Variants in IL10 observed in about 807,000 individuals in gnomAD.
The protein encoded by IL10 is interleukin 10.
In IL10, 7 loss-of-function variants were observed where a neutral mutation model predicts 21.0. The observed-to-expected ratio is 0.33, with a 90% CI of 0.19 to 0.63. The LOEUF is 0.63. Among genes scored for constraint, IL10 ranks in the 20% least tolerant of loss-of-function variants. The pLI, the probability that IL10 is intolerant of heterozygous loss-of-function variation, is 0.77. For synonymous variants in IL10, 83 were observed against 79.7 expected (o/e 1.04, Z -0.22); for missense variants, 161 against 213.0 (o/e 0.76, Z 1.52).
At position 206,771,066 on chromosome 1, in the gene IL10, G is replaced by A. The variant is rs549828182; in HGVS notation, c.226-7C>T. The A allele has an allele frequency of 1.2e-6, 2 of 1,613,936 alleles. No homozygotes were observed. The highest frequency in any genetic ancestry group is 1.3e-5 in the African/African-American group (1 of 74,902). On this transcript the variant is annotated splice_polypyrimidine_tract_variant and splice_region_variant and intron_variant, in intron 2 of 4. Coordinates refer to ENST00000423557, the MANE Select transcript of IL10 (RefSeq NM_000572.3). The stretch of plus-strand genomic sequence containing the variant: ...CTTGGCAACCCAGGTAACCCTAAGG[G>A]CAGGAGCCAAAGGTGAGTGAGAGAT...
In IL10 at chr1:206,769,821, A is replaced by G. The variant is rs1433173306; in HGVS notation, c.444+8T>C. On this transcript the variant is annotated splice_region_variant and intron_variant, in intron 4 of 4. Transcript: ENST00000423557. The stretch of plus-strand genomic sequence containing the variant: ...CTGCAGACCCTCTCTGCCACCATCC[A>G]AGCTCACCTTATTAAAGGCATTCTT... 18 of 1,611,614 alleles carry G rather than the reference A, an allele frequency of 1.1e-5. No individual in the cohort carries two copies. Among genetic ancestry groups the G allele is most frequent in the Admixed American group, 1.7e-5 (1 of 60,012 alleles).
At chr1:206,772,184 CAGG>C in intron 1 of IL10, 84 bp downstream of exon 1, 3 of 1,181,986 alleles carry the variant, frequency 2.5e-6, no homozygotes, top group Non-Finnish European at 3.8e-6. Context: ...GGTGGAGGCG[CAGG>C]AGGAGGGTTC....
chr1:206,772,001 C>T (rs945062764), intron 1 of IL10, among the ~76,000 whole-genome samples: 1 of 152,198 alleles, frequency 6.6e-6, no homozygotes, highest in African/African-American at 2.4e-5. Context: ...AAGTATAGAG[C>T]GCCAGCAGGA....
At chr1:206,769,542 A>C (rs1674760340) in intron 4 of IL10, 1 of 533,852 alleles carries the variant, frequency 1.9e-6, no homozygotes, top group Non-Finnish European at 3.4e-6. Flanking sequence ...CACTCTCCCC[A>C]GCATGCAGCT....
chr1:206,768,848 C>T lies in IL10; in HGVS notation c.445-120G>A, dbSNP rs45607234. ...TGCAGAGGTTGCTTGTTCTCCCTCACGCTGGGAAGTAAACCAGAGGATAGG... is the reference window on the plus strand; with the variant it reads ...TGCAGAGGTTGCTTGTTCTCCCTCATGCTGGGAAGTAAACCAGAGGATAGG... On this transcript the variant is annotated intron_variant, in intron 4 of 4. Transcript: ENST00000423557. The T allele has an allele frequency of 5.9e-5, 42 of 713,476 alleles. No individual in the cohort carries two copies. The Admixed American group carries it at 6.4e-4, about 11-fold the overall frequency. The allele number at this position is 713,476 out of a possible 1,614,324, so 44.2% of individuals were successfully genotyped here.
In IL10 at chr1:206,768,158, C is replaced by T. The variant is rs187809496; in HGVS notation, c.*478G>A. 1.3e-5 allele frequency: 3 copies of T among 224,944 alleles called. No homozygotes were observed. In the East Asian group the frequency reaches 2.0e-4, roughly 15 times the overall value. 13.9% of individuals were successfully genotyped at this position (224,944 alleles called of 1,614,324 possible). ...GTGAATTAATCATCAAAGGGGCTCC[C>T]TGGTTTCTCTTCCTAAGAGTATTTG... On this transcript the variant is annotated 3_prime_UTR_variant, in exon 5 of 5. Transcript: ENST00000423557.
Position 206,768,113 on chromosome 1 carries a change from TCC to T in IL10, c.*521_*522del. On this transcript the variant is annotated 3_prime_UTR_variant, in exon 5 of 5. Transcript: ENST00000423557. ...TGGTTGGGGAATGAGGTTAGGGGAATCCCTCCGAGACACTGGAAGGTGAATTA... is the reference window on the plus strand; with the variant it reads ...TGGTTGGGGAATGAGGTTAGGGGAATCTCCGAGACACTGGAAGGTGAATTA... 1 of 213,404 alleles carries T rather than the reference TCC, an allele frequency of 4.7e-6. No homozygotes were observed. Among genetic ancestry groups the T allele is most frequent in the Admixed American group, 5.7e-5 (1 of 17,584 alleles). The allele number at this position is 213,404 out of a possible 1,614,324, so 13.2% of individuals were successfully genotyped here.
Position 206,768,119 on chromosome 1 carries a change from C to T in IL10, c.*517G>A, listed in dbSNP as rs571163057. The T allele has an allele frequency of 1.3e-4, 29 of 216,582 alleles. No homozygotes were observed. Among genetic ancestry groups the T allele is most frequent in the African/African-American group, 5.9e-4 (26 of 44,048 alleles). The allele number at this position is 216,582 out of a possible 1,614,324, so 13.4% of individuals were successfully genotyped here. On this transcript the variant is annotated 3_prime_UTR_variant, in exon 5 of 5. Coordinates refer to ENST00000423557, the MANE Select transcript of IL10 (RefSeq NM_000572.3). ...GGGAATGAGGTTAGGGGAATCCCTC[C>T]GAGACACTGGAAGGTGAATTAATCA...
At position 206,771,410 on chromosome 1, in the gene IL10, C is replaced by G. The variant is rs1457100580; in HGVS notation, c.171G>C (p.Met57Ile). ...AFSRVKTFFQMKDQLDNLLLK... is the reference protein window; with the variant it reads ...AFSRVKTFFQIKDQLDNLLLK... ...ACAACAAGTTGTCCAGCTGATCCTT[C>G]ATTTGCTGCAGGAAGAACAAAAGGA... The change falls in exon 2 of 5, where the codon ATG becomes ATC. Residue 57 changes from methionine (M) to isoleucine (I), a missense_variant. Transcript: ENST00000423557. 6.2e-7 allele frequency: 1 copy of G among 1,608,402 alleles called. No homozygotes were observed. The highest frequency in any genetic ancestry group is 1.7e-5 in the Admixed American group (1 of 59,110).
rs1018640953 is a variant in IL10 at position 206,768,080 on chromosome 1, G to C, written c.*556C>G. The C allele has an allele frequency of 2.5e-5, 5 of 200,032 alleles. No homozygotes were observed. Among genetic ancestry groups the C allele is most frequent in the African/African-American group, 1.2e-4 (5 of 43,398 alleles). 12.4% of individuals were successfully genotyped at this position (200,032 alleles called of 1,614,324 possible). On this transcript the variant is annotated 3_prime_UTR_variant, in exon 5 of 5. Coordinates refer to ENST00000423557, the MANE Select transcript of IL10 (RefSeq NM_000572.3). Reference sequence around the variant, plus strand: ...ATAACAAGCTGGCCACAGCTTTCAAGAATGAAGTGGTTGGGGAATGAGGTT... The same window carrying C: ...ATAACAAGCTGGCCACAGCTTTCAACAATGAAGTGGTTGGGGAATGAGGTT...
chr1:206,771,245 TCTCCTTTTCAAA>T, intron 2 of IL10, 99 bp downstream of exon 2: 1 of 1,197,974 alleles, frequency 8.3e-7, no homozygotes. Context: ...TCTTCCCACT[TCTCCTTTTCAAA>T]GCGAAGGAAA....
chr1:206,768,600 A>G lies in IL10; in HGVS notation c.*36T>C, dbSNP rs5743628. The G allele has an allele frequency of 4.0e-3, 4,943 of 1,238,182 alleles. 32 individuals carry two copies. Among genetic ancestry groups the G allele is most frequent in the Admixed American group, 0.018 (1,039 of 59,176 alleles). The allele number at this position is 1,238,182 out of a possible 1,614,324, so 76.7% of individuals were successfully genotyped here. ...ATCCGATTTTGGAGACCTCTAATTT[A>G]TGTCCTAGAGTCTATAGAGTCGCCA... On this transcript the variant is annotated 3_prime_UTR_variant, in exon 5 of 5. Transcript: ENST00000423557.
intron 3 of IL10, chr1:206,770,308 A>G: frequency 1.5e-5 from 5 of 330,244 alleles, no homozygotes; most frequent in Admixed American, 4.1e-5. Context: ...TTGTCCTACA[A>G]ATAGACACCA....
chr1:206,769,766 TGGGGTTG>T, intron 4 of IL10, 56 bp downstream of exon 4: 1 of 1,264,430 alleles, frequency 7.9e-7, no homozygotes. Context: ...TTCCATGCTT[TGGGGTTG>T]GGGAGTGGGC....
Position 206,768,583 on chromosome 1 carries a change from T to G in IL10, c.*53A>C, listed in dbSNP as rs564250212. On this transcript the variant is annotated 3_prime_UTR_variant, in exon 5 of 5. Transcript: ENST00000423557. ...CTATCCCAGAGCCCCAGATCCGATT[T>G]TGGAGACCTCTAATTTATGTCCTAG... The G allele has an allele frequency of 9.6e-7, 1 of 1,045,844 alleles. No individual in the cohort carries two copies. Among genetic ancestry groups the G allele is most frequent in the African/African-American group, 1.6e-5 (1 of 64,088 alleles). 64.8% of individuals were successfully genotyped at this position (1,045,844 alleles called of 1,614,324 possible).
chr1:206,769,485 G>A (rs769400169), intron 4 of IL10: 179 of 419,234 alleles, frequency 4.3e-4, no homozygotes, highest in Admixed American at 6.1e-4. Flanking sequence ...TGTGGGTTCA[G>A]CCTAGATTCC....
chr1:206,772,066 C>T (rs1022560735), intron 1 of IL10, among the ~76,000 whole-genome samples: 19 of 152,314 alleles, frequency 1.2e-4, no homozygotes, highest in South Asian at 2.1e-4. Flanking sequence ...AGGCAGGTTT[C>T]CTGCACATTT....
At chr1:206,770,400 T>C in intron 3 of IL10, 1 of 270,230 alleles carries the variant, frequency 3.7e-6, no homozygotes. Context: ...ATAAATTACC[T>C]GGAGGAATTA....
At chr1:206,770,808 G>C in intron 3 of IL10, 99 bp downstream of exon 3, 3 of 1,153,094 alleles carry the variant, frequency 2.6e-6, no homozygotes, top group Admixed American at 3.4e-5. Flanking sequence ...CTGCCAGTCT[G>C]TGTCTTTGCT....
Sources: allele counts gnomAD v4.1 joint callset (sites outside exome capture counted in the v4.1 genomes callset), GRCh38; gene constraint gnomAD v4.1.1; transcripts MANE v1.5; gene names NCBI Gene and HGNC (gene_info 2026-07-23, HGNC 2026-07-21).